TSPEAR: variants seen among roughly 807,000 people sequenced by gnomAD.
TSPEAR encodes thrombospondin-type laminin G domain and EAR repeat-containing protein.
In TSPEAR, 69 loss-of-function variants were observed where a neutral mutation model predicts 71.6. That is an observed-to-expected ratio of 0.96 (90% CI 0.79 to 1.18). The LOEUF is 1.18. TSPEAR is among the 50% of genes most tolerant of loss of function. The pLI is 0.00. For synonymous variants in TSPEAR, 402 were observed against 387.2 expected (o/e 1.04, Z -0.45); for missense variants, 971 against 894.9 (o/e 1.09, Z -1.09).
intron 1 of TSPEAR, among the ~76,000 whole-genome samples, chr21:44,582,311 C>A (rs9974563): frequency 0.012 from 1,792 of 152,314 alleles, 40 homozygotes; most frequent in African/African-American, 0.041. Flanking sequence ...CAACCGCGAG[C>A]TCTCACTCCT....
chr21:44,539,240 G>C (rs782152532), intron 2 of TSPEAR: 2 of 1,574,660 alleles, frequency 1.3e-6, no homozygotes, highest in African/African-American at 2.7e-5. Flanking sequence ...GTCAGGAACT[G>C]AGCCCAGCTG....
intron 1 of TSPEAR, chr21:44,677,382 G>T: frequency 7.1e-7 from 1 of 1,399,250 alleles, no homozygotes. Context: ...TGCATTGACA[G>T]CCTGGACCAC....
intron 1 of TSPEAR, among the ~76,000 whole-genome samples, chr21:44,614,763 C>T (rs782396198): frequency 2.0e-5 from 3 of 152,190 alleles, no homozygotes; most frequent in Non-Finnish European, 4.4e-5. Flanking sequence ...TGCCACAAGA[C>T]GACAGCAGAA....
chr21:44,527,581 C>T lies in TSPEAR; in HGVS notation c.923-63G>A, dbSNP rs1248917516. The T allele has an allele frequency of 1.6e-5, 25 of 1,524,668 alleles. 1 individual carries two copies. The highest frequency in any genetic ancestry group is 2.0e-5 in the Non-Finnish European group (22 of 1,105,050). The allele number at this position is 1,524,668 out of a possible 1,614,324, so 94.4% of individuals were successfully genotyped here. A position where few individuals can be genotyped will look rare whatever the true frequency, so the allele number is the denominator to read the frequency against. On this transcript the variant is annotated intron_variant, in intron 6 of 11. Transcript: ENST00000323084. ...GAGAACGGAAATCCAGAGCAATCCT[C>T]GCGGGAGCGCGATTCCCAAGCCCCA...
intron 1 of TSPEAR, among the ~76,000 whole-genome samples, chr21:44,649,282 G>T (rs1984630812): frequency 6.6e-6 from 1 of 152,196 alleles, no homozygotes; most frequent in Admixed American, 6.5e-5. Context: ...CTGCTGGCCT[G>T]GGAGGAGGGA....
chr21:44,600,002 C>T (rs981627255), intron 1 of TSPEAR, among the ~76,000 whole-genome samples: 5 of 152,218 alleles, frequency 3.3e-5, no homozygotes, highest in Non-Finnish European at 7.3e-5. Flanking sequence ...GTGCACGGCC[C>T]CCCAGGAACT....
At chr21:44,548,575 G>A (rs1261054126) in intron 2 of TSPEAR, among the ~76,000 whole-genome samples, 1 of 152,236 alleles carries the variant, frequency 6.6e-6, no homozygotes, top group Non-Finnish European at 1.5e-5. Context: ...CATGAGTGCA[G>A]ATGGAGCCAG....
chr21:44,678,142 A>T, intron 1 of TSPEAR: 2 of 584,004 alleles, frequency 3.4e-6, no homozygotes, highest in Non-Finnish European at 6.2e-6. Flanking sequence ...CGGCACGAGT[A>T]AGTGGAGGCA....
intron 1 of TSPEAR, chr21:44,591,589 C>A: frequency 3.1e-6 from 5 of 1,613,344 alleles, no homozygotes; most frequent in Non-Finnish European, 4.2e-6. Context: ...GGAGGAGGAT[C>A]TGCAGCAGGA....
intron 1 of TSPEAR, among the ~76,000 whole-genome samples, chr21:44,590,917 A>G (rs1979754433): frequency 6.6e-6 from 1 of 152,106 alleles, no homozygotes; most frequent in South Asian, 2.1e-4. Flanking sequence ...CACAGAGGCC[A>G]GCACCAGAAG....
At chr21:44,573,662 G>A (rs950147769) in intron 1 of TSPEAR, 12 of 1,544,410 alleles carry the variant, frequency 7.8e-6, no homozygotes, top group African/African-American at 6.8e-5. Flanking sequence ...CACCAAGGAG[G>A]AGTATAAAAG....
chr21:44,700,950 G>A (rs949063048), intron 1 of TSPEAR, among the ~76,000 whole-genome samples: 2 of 152,192 alleles, frequency 1.3e-5, no homozygotes, highest in Non-Finnish European at 2.9e-5. Context: ...CAAGTCAGAG[G>A]TGAGAGGTGG....
intron 2 of TSPEAR, among the ~76,000 whole-genome samples, chr21:44,552,855 C>T (rs2053466065): frequency 6.6e-6 from 1 of 152,176 alleles, no homozygotes; most frequent in Non-Finnish European, 1.5e-5. Flanking sequence ...TCAAACAAGC[C>T]CCTCCGACCT....
chr21:44,625,644 A>AGG (rs1982721833), intron 1 of TSPEAR, among the ~76,000 whole-genome samples: 1 of 152,174 alleles, frequency 6.6e-6, no homozygotes, highest in Admixed American at 6.5e-5. Flanking sequence ...GGCCGCGGGG[A>AGG]GCGGCATGGC....
chr21:44,614,870 G>A (rs1981969753), intron 1 of TSPEAR, among the ~76,000 whole-genome samples: 1 of 152,222 alleles, frequency 6.6e-6, no homozygotes, highest in East Asian at 1.9e-4. Context: ...AAATAGGCAT[G>A]GACAGGCTAC....
chr21:44,681,650 G>A (rs1300179750), intron 1 of TSPEAR: 26 of 776,570 alleles, frequency 3.3e-5, no homozygotes, highest in Non-Finnish European at 3.6e-5. Flanking sequence ...CTTCCCTGGG[G>A]GGATAGGCAA....
intron 1 of TSPEAR, among the ~76,000 whole-genome samples, chr21:44,616,704 C>T (rs958560337): frequency 3.3e-5 from 5 of 152,234 alleles, no homozygotes; most frequent in Admixed American, 6.5e-5. Flanking sequence ...AATGAGACAC[C>T]GTGACAATGC....
Position 44,530,925 on chromosome 21 carries a change from A to G in TSPEAR, c.633+118T>C, listed in dbSNP as rs2838582. 0.037 allele frequency: 30,201 copies of G among 823,094 alleles called. 3,976 individuals are homozygous for G. Among genetic ancestry groups the G allele is most frequent in the African/African-American group, 0.34 (20,438 of 59,516 alleles). The allele number at this position is 823,094 out of a possible 1,614,324, so 51.0% of individuals were successfully genotyped here. A position where few individuals can be genotyped will look rare whatever the true frequency, so the allele number is the denominator to read the frequency against. ...GTGGTAGAGACTCCACGCACGCTGTACCTTCTTTTCCCAGTTAGCACGTCC... is the reference window on the plus strand; with the variant it reads ...GTGGTAGAGACTCCACGCACGCTGTGCCTTCTTTTCCCAGTTAGCACGTCC... On this transcript the variant is annotated intron_variant, in intron 4 of 11. Coordinates refer to ENST00000323084, the MANE Select transcript of TSPEAR (RefSeq NM_144991.3).
At chr21:44,500,640 C>T (rs2052013436) in intron 11 of TSPEAR, among the ~76,000 whole-genome samples, 2 of 152,214 alleles carry the variant, frequency 1.3e-5, no homozygotes, top group Non-Finnish European at 2.9e-5. Flanking sequence ...CCTGGGATCC[C>T]CCAACCCACT....
Sources: gnomAD v4.1 joint callset for allele counts (sites outside exome capture counted in the v4.1 genomes callset) on GRCh38, gnomAD v4.1.1 for gene constraint, MANE v1.5 for transcripts, NCBI Gene and HGNC (gene_info 2026-07-23, HGNC 2026-07-21) for gene names.